COL14A1: variants seen among roughly 807,000 people sequenced by gnomAD.
COL14A1 encodes collagen type XIV alpha 1 chain, also known as collagen alpha-1(XIV) chain.
Under a neutral mutation model 230.3 loss-of-function variants are expected in COL14A1, and 136 were observed. The observed-to-expected ratio is 0.59, with a 90% CI of 0.51 to 0.68. The LOEUF (loss-of-function observed/expected upper bound fraction) is 0.68. Among genes scored for constraint, COL14A1 ranks in the 30% least tolerant of loss-of-function variants. The pLI, the probability that COL14A1 is intolerant of heterozygous loss-of-function variation, is 0.00. For synonymous variants in COL14A1, 792 were observed against 784.1 expected (o/e 1.01, Z -0.17); for missense variants, 1,976 against 2,215.8 (o/e 0.89, Z 2.17).
chr8:120,322,617 G>C (rs1821494141), intron 40 of COL14A1, among the ~76,000 whole-genome samples: 1 of 152,090 alleles, frequency 6.6e-6, no homozygotes, highest in African/African-American at 2.4e-5. Flanking sequence ...TCATCATTTA[G>C]CTCCCACTTG....
intron 33 of COL14A1, among the ~76,000 whole-genome samples, chr8:120,288,376 T>C (rs886388318): frequency 6.6e-6 from 1 of 152,110 alleles, no homozygotes; most frequent in African/African-American, 2.4e-5. Context: ...GAAATAACAA[T>C]TGGTGTAAGT....
intron 40 of COL14A1, among the ~76,000 whole-genome samples, chr8:120,326,353 A>T (rs1189928120): frequency 6.6e-6 from 1 of 152,156 alleles, no homozygotes; most frequent in African/African-American, 2.4e-5. Flanking sequence ...TCATTGTTTG[A>T]CTATCCTCAA....
intron 32 of COL14A1, among the ~76,000 whole-genome samples, chr8:120,284,426 T>G (rs1820133886): frequency 6.6e-6 from 1 of 152,206 alleles, no homozygotes; most frequent in Admixed American, 6.5e-5. Flanking sequence ...TCTTGGATGT[T>G]GTACATGATG....
intron 19 of COL14A1, among the ~76,000 whole-genome samples, chr8:120,240,538 G>T (rs1818579817): frequency 6.6e-6 from 1 of 152,148 alleles, no homozygotes; most frequent in Non-Finnish European, 1.5e-5. Context: ...GGCGCAGAAA[G>T]ACAGATGGCT....
chr8:120,174,215 A>AT (rs1435398734), intron 5 of COL14A1, among the ~76,000 whole-genome samples: 12 of 148,936 alleles, frequency 8.1e-5, no homozygotes, highest in Admixed American at 8.0e-4. Flanking sequence ...GTTTGTTAAT[A>AT]TTTTTAAGGG....
At chr8:120,268,029 A>G (rs572109707) in intron 25 of COL14A1, among the ~76,000 whole-genome samples, 39 of 151,976 alleles carry the variant, frequency 2.6e-4, no homozygotes, top group African/African-American at 9.4e-4. Flanking sequence ...AGTAGATTCA[A>G]ATGCTGCAGA....
intron 1 of COL14A1, among the ~76,000 whole-genome samples, chr8:120,129,523 G>A (rs186407343): frequency 6.6e-6 from 1 of 152,306 alleles, no homozygotes; most frequent in Admixed American, 6.5e-5. Flanking sequence ...TACAGCATGA[G>A]TTTAATACTG....
chr8:120,258,564 A>G (rs1014650554), intron 23 of COL14A1, among the ~76,000 whole-genome samples: 2 of 152,106 alleles, frequency 1.3e-5, no homozygotes, highest in African/African-American at 4.8e-5. Context: ...AAAGAAAGAG[A>G]TTTCAGATAC....
intron 42 of COL14A1, among the ~76,000 whole-genome samples, chr8:120,335,944 C>G (rs143384223): frequency 3.3e-5 from 5 of 152,272 alleles, no homozygotes; most frequent in Admixed American, 2.0e-4. Flanking sequence ...ATACCTGGGT[C>G]CTTGATGTAG....
chr8:120,144,332 A>C (rs1460578556), intron 1 of COL14A1, among the ~76,000 whole-genome samples: 2 of 152,178 alleles, frequency 1.3e-5, no homozygotes, highest in African/African-American at 4.8e-5. Flanking sequence ...AATTACATTA[A>C]TGTTTAAAAA....
chr8:120,248,577 C>T, intron 21 of COL14A1, among the ~76,000 whole-genome samples: 1 of 152,186 alleles, frequency 6.6e-6, no homozygotes, highest in Non-Finnish European at 1.5e-5. Context: ...TTTCTGCTGG[C>T]TGGGTGTGGT....
chr8:120,294,924 C>A (rs1374684142), intron 34 of COL14A1, among the ~76,000 whole-genome samples: 1 of 151,806 alleles, frequency 6.6e-6, no homozygotes, highest in Non-Finnish European at 1.5e-5. Context: ...ATAAATTGAG[C>A]TCCTAAGAGT....
chr8:120,184,209 T>TG (rs1452201505), intron 5 of COL14A1, among the ~76,000 whole-genome samples: 1 of 145,414 alleles, frequency 6.9e-6, no homozygotes, highest in African/African-American at 2.7e-5. Context: ...GTGGTGTGTG[T>TG]GTGGGGGGGG....
intron 1 of COL14A1, among the ~76,000 whole-genome samples, chr8:120,127,158 A>T (rs987290446): frequency 6.6e-6 from 1 of 152,234 alleles, no homozygotes; most frequent in African/African-American, 2.4e-5. Context: ...AAATGGAAGA[A>T]TACAATATGT....
intron 12 of COL14A1, among the ~76,000 whole-genome samples, chr8:120,210,630 G>C (rs1176901378): frequency 2.0e-5 from 3 of 152,090 alleles, no homozygotes; most frequent in Non-Finnish European, 4.4e-5. Context: ...TTAATTTGTA[G>C]TGGACAATAG....
intron 34 of COL14A1, among the ~76,000 whole-genome samples, chr8:120,293,496 G>C (rs1230302885): frequency 1.3e-5 from 2 of 151,790 alleles, no homozygotes; most frequent in Non-Finnish European, 3.0e-5. Context: ...ATTTAATCCT[G>C]TAATAATCCT....
At chr8:120,228,819 C>G in intron 18 of COL14A1, 50 bp downstream of exon 18, 2 of 1,447,334 alleles carry the variant, frequency 1.4e-6, no homozygotes, top group Non-Finnish European at 1.9e-6. Context: ...TTTCTTTAAA[C>G]AGATGTTATA....
intron 8 of COL14A1, among the ~76,000 whole-genome samples, chr8:120,200,728 TATATATATATATA>T (rs1277669007): frequency 1.5e-4 from 3 of 19,558 alleles, no homozygotes; most frequent in African/African-American, 7.5e-4. Context: ...TATATATATA[TATATATATATATA>T]TATATATATA....
intron 34 of COL14A1, 61 bp downstream of exon 34, chr8:120,289,827 C>A (rs1820318049): frequency 1.3e-6 from 2 of 1,501,016 alleles, no homozygotes; most frequent in South Asian, 1.4e-5. Context: ...TTTTAAAGTA[C>A]ATTAGCTATT....
Sources: allele counts gnomAD v4.1 joint callset (sites outside exome capture counted in the v4.1 genomes callset), GRCh38; gene constraint gnomAD v4.1.1; transcripts MANE v1.5; gene names NCBI Gene and HGNC (gene_info 2026-07-23, HGNC 2026-07-21).